Variants in UGT1A5 observed in about 807,000 individuals in gnomAD.
The protein encoded by UGT1A5 is UDP glucuronosyltransferase family 1 member A5.
A neutral mutation model predicts 40.3 loss-of-function variants in UGT1A5; 29 were observed. The observed-to-expected ratio is 0.72, with a 90% confidence interval of 0.54 to 0.98. UGT1A5 has a LOEUF of 0.98. Among genes scored for constraint, UGT1A5 ranks in the 50% least tolerant of loss-of-function variants. UGT1A5 has a pLI of 0.00. For missense variants in UGT1A5, 678 were observed against 677.9 expected (o/e 1.00, Z 0.00); for synonymous variants, 257 against 262.5 (o/e 0.98, Z 0.20).
chr2:233,742,713 C>T lies in UGT1A5; in HGVS notation c.868-24321C>T, dbSNP rs546122146. 3.3e-4 allele frequency: 50 copies of T among 152,640 alleles called. 1 individual carries two copies. Among genetic ancestry groups the T allele is most frequent in the African/African-American group, 1.1e-3 (46 of 41,252 alleles). 9.5% of individuals were successfully genotyped at this position (152,640 alleles called of 1,614,324 possible). On this transcript the variant is annotated intron_variant, in intron 1 of 4. Coordinates refer to ENST00000373414, the MANE Select transcript of UGT1A5 (RefSeq NM_019078.2). ...GGGAACATGCTTCCACCGATTTCAG[C>T]TCAGTGATATGGGATTCAAATGTCT... is the stretch of plus-strand genomic sequence containing the variant.
intron 1 of UGT1A5, among the ~76,000 whole-genome samples, chr2:233,723,507 G>A (rs1209315085): frequency 7.7e-6 from 1 of 130,328 alleles, no homozygotes; most frequent in African/African-American, 3.2e-5. Flanking sequence ...ACTGCACCTG[G>A]TCAACAATCT....
chr2:233,753,934 C>A (rs115652249), intron 1 of UGT1A5, among the ~76,000 whole-genome samples: 1,716 of 152,270 alleles, frequency 0.011, 38 homozygotes, highest in African/African-American at 0.04. Context: ...ATATGGGATT[C>A]AAATGTATGA....
chr2:233,713,954 C>T (rs1224716390), intron 1 of UGT1A5, 96 bp downstream of exon 1: 55 of 1,607,802 alleles, frequency 3.4e-5, no homozygotes, highest in Non-Finnish European at 4.7e-5. Context: ...ACTTATCTTT[C>T]CAAAGATTTC....
chr2:233,764,618 A>G (rs1306085339), intron 1 of UGT1A5, among the ~76,000 whole-genome samples: 3 of 152,108 alleles, frequency 2.0e-5, no homozygotes, highest in Non-Finnish European at 2.9e-5. Flanking sequence ...AGTGGGTTTC[A>G]TGAAGAGCAA....
intron 1 of UGT1A5, among the ~76,000 whole-genome samples, chr2:233,757,257 G>C (rs1486497078): frequency 6.8e-6 from 1 of 147,916 alleles, no homozygotes; most frequent in Non-Finnish European, 1.5e-5. Flanking sequence ...GGTTATTCAG[G>C]TGGCAGCCGA....
At chr2:233,718,690 G>A in intron 1 of UGT1A5, 1 of 1,588,038 alleles carries the variant, frequency 6.3e-7, no homozygotes. Context: ...GTAACTGGAG[G>A]AGGGCACTTT....
At chr2:233,735,891 A>C (rs2078706865) in intron 1 of UGT1A5, among the ~76,000 whole-genome samples, 2 of 151,822 alleles carry the variant, frequency 1.3e-5, no homozygotes, top group East Asian at 3.9e-4. Flanking sequence ...TGTTAGTCTG[A>C]TGGGCTTCCC....
chr2:233,750,998 C>T (rs1414684238), intron 1 of UGT1A5, among the ~76,000 whole-genome samples: 1 of 151,782 alleles, frequency 6.6e-6, no homozygotes, highest in African/African-American at 2.4e-5. Context: ...GGCCACCATC[C>T]TCCAGAATCC....
At chr2:233,763,924 T>C (rs1294643853) in intron 1 of UGT1A5, among the ~76,000 whole-genome samples, 1 of 152,112 alleles carries the variant, frequency 6.6e-6, no homozygotes, top group African/African-American at 2.4e-5. Context: ...GGCTTCGAGA[T>C]GGCCAGGAGA....
intron 1 of UGT1A5, among the ~76,000 whole-genome samples, chr2:233,741,083 A>G (rs1400996057): frequency 6.6e-6 from 1 of 151,938 alleles, no homozygotes; most frequent in Non-Finnish European, 1.5e-5. Flanking sequence ...TGTCTTTAAA[A>G]CAAACAAGCA....
At chr2:233,729,404 T>C (rs2077851412) in intron 1 of UGT1A5, 1 of 1,613,884 alleles carries the variant, frequency 6.2e-7, no homozygotes, top group East Asian at 2.2e-5. Flanking sequence ...GATCGCCATG[T>C]GCTGGGCCAC....
rs566468987 is a variant in UGT1A5, at chr2:233,735,438, T to C, written c.867+21580T>C. ...TGAGATAGGCCTCCTGAATACAGCA[T>C]ACCGATGGGCCTTGACTCTTTATCC... On this transcript the variant is annotated intron_variant, in intron 1 of 4. Transcript: ENST00000373414. Among the ~76,000 whole-genome samples, 10 of 152,290 alleles carry C rather than the reference T, an allele frequency of 6.6e-5. No homozygotes were observed. The East Asian group carries it at 7.7e-4, about 12-fold the overall frequency.
intron 1 of UGT1A5, chr2:233,760,671 C>T: frequency 6.2e-7 from 1 of 1,614,146 alleles, no homozygotes; most frequent in Non-Finnish European, 8.5e-7. Context: ...CTGGCTGTTC[C>T]CACTTACTGC....
chr2:233,721,992 G>T, intron 1 of UGT1A5: 1 of 260,508 alleles, frequency 3.8e-6, no homozygotes, highest in African/African-American at 2.2e-5. Flanking sequence ...TTTCACGAAT[G>T]TCCTTTAAGT....
At chr2:233,748,610 A>G (rs1485251658) in intron 1 of UGT1A5, among the ~76,000 whole-genome samples, 1 of 151,818 alleles carries the variant, frequency 6.6e-6, no homozygotes, top group Non-Finnish European at 1.5e-5. Context: ...TAGAGCAACG[A>G]ACGTGGGATA....
chr2:233,717,564 G>A (rs569646597), intron 1 of UGT1A5, among the ~76,000 whole-genome samples: 3 of 152,318 alleles, frequency 2.0e-5, no homozygotes, highest in African/African-American at 7.2e-5. Context: ...GGCAGACATG[G>A]CCAGGCATGT....
intron 1 of UGT1A5, chr2:233,729,362 C>G (rs777664797): frequency 6.2e-7 from 1 of 1,614,044 alleles, no homozygotes; most frequent in Non-Finnish European, 8.5e-7. Context: ...ACCCTGACAA[C>G]CTATGCCATT....
rs780354743 is a variant in UGT1A5 at position 233,767,874 on chromosome 2, G to A, written c.1025G>A (p.Arg342Gln). Residue 342 changes from arginine to glutamine, a missense_variant, in exon 3 of 5, where the codon CGA becomes CAA. Coordinates refer to ENST00000373414, the MANE Select transcript of UGT1A5 (RefSeq NM_019078.2). ...QTVLWRYTGT[R>Q]PSNLANNTIL... ...GTCCTGTGGCGGTACACTGGAACCC[G>A]ACCATCGAATCTTGCGAACAACACG... 28 of 1,613,980 alleles carry A rather than the reference G, an allele frequency of 1.7e-5. No individual in the cohort carries two copies. Among genetic ancestry groups the A allele is most frequent in the Admixed American group, 1.0e-4 (6 of 59,998 alleles).
At chr2:233,727,226 G>A (rs1435452926) in intron 1 of UGT1A5, among the ~76,000 whole-genome samples, 6 of 152,126 alleles carry the variant, frequency 3.9e-5, no homozygotes, top group Non-Finnish European at 8.8e-5. Flanking sequence ...CCACATATGC[G>A]GATGGCTCCA....
Sources: allele counts gnomAD v4.1 joint callset (sites outside exome capture counted in the v4.1 genomes callset), GRCh38; gene constraint gnomAD v4.1.1; transcripts MANE v1.5; gene names NCBI Gene and HGNC (gene_info 2026-07-23, HGNC 2026-07-21).